PDE7A: variants seen among roughly 807,000 people sequenced by gnomAD.
The protein encoded by PDE7A is phosphodiesterase 7A, also known as high affinity 3',5'-cyclic-AMP phosphodiesterase 7A.
PDE7A carries 39 observed loss-of-function variants against 64.3 expected under a neutral mutation model. The ratio of observed to expected loss-of-function variants is 0.61; its 90% CI spans 0.47 to 0.79. PDE7A has a LOEUF of 0.79. PDE7A is among the 30% of genes least tolerant of loss of function. PDE7A has a pLI of 0.00. For missense variants in PDE7A, 470 were observed against 582.8 expected (o/e 0.81, Z 1.99); for synonymous variants, 203 against 206.8 (o/e 0.98, Z 0.16).
At chr8:65,830,213 C>G (rs1810781269) in intron 1 of PDE7A, among the ~76,000 whole-genome samples, 1 of 151,308 alleles carries the variant, frequency 6.6e-6, no homozygotes, top group Non-Finnish European at 1.5e-5. Flanking sequence ...GTTAATTACT[C>G]TAAAAACACT....
chr8:65,763,658 T>C (rs181047007), intron 3 of PDE7A, among the ~76,000 whole-genome samples: 1 of 152,324 alleles, frequency 6.6e-6, no homozygotes, highest in African/African-American at 2.4e-5. Context: ...ATCCCTCTTA[T>C]GCTGAAACTC....
chr8:65,836,778 A>G (rs181251484), intron 1 of PDE7A, among the ~76,000 whole-genome samples: 82 of 152,320 alleles, frequency 5.4e-4, no homozygotes, highest in African/African-American at 1.5e-3. Flanking sequence ...CAGTCATACT[A>G]GCCACATTTC....
chr8:65,742,870 C>T (rs571043213), intron 5 of PDE7A, among the ~76,000 whole-genome samples: 22 of 152,290 alleles, frequency 1.4e-4, no homozygotes, highest in Non-Finnish European at 2.5e-4. Context: ...TAAGGGGAAA[C>T]TAGTTAGCCA....
Position 65,779,722 on chromosome 8 carries a change from TG to T in PDE7A, c.280del (p.His94ThrfsTer19). On this transcript the variant is annotated frameshift_variant, in exon 3 of 13. Coordinates refer to ENST00000401827, the MANE Select transcript of PDE7A (RefSeq NM_001242318.3). LOFTEE classifies it high-confidence loss of function. ...SHPYIDFRIF[H>X]SQSEIEVSVS... The stretch of plus-strand genomic sequence containing the variant: ...ACTTCATGTCTACCAACACTTACAG[TG>T]GAAAATACGAAAATCAATATATGGG... 6.5e-7 allele frequency: 1 copy of T among 1,528,068 alleles called. No individual in the cohort carries two copies. The highest frequency in any genetic ancestry group is 9.0e-7 in the Non-Finnish European group (1 of 1,113,454). The allele number at this position is 1,528,068 out of a possible 1,614,324, so 94.7% of individuals were successfully genotyped here. A position where few individuals can be genotyped will look rare whatever the true frequency, so the allele number is the denominator to read the frequency against.
chr8:65,817,570 G>A (rs983438615), intron 1 of PDE7A, among the ~76,000 whole-genome samples: 5 of 152,044 alleles, frequency 3.3e-5, no homozygotes, highest in Non-Finnish European at 7.4e-5. Context: ...TAATTTCTCA[G>A]TTTTTCCTTG....
intron 1 of PDE7A, among the ~76,000 whole-genome samples, chr8:65,811,456 T>C (rs927263892): frequency 7.2e-5 from 11 of 152,330 alleles, no homozygotes; most frequent in East Asian, 1.9e-4. Flanking sequence ...AGGCCTCCCA[T>C]TGGCCAACCC....
chr8:65,723,644 T>C, intron 11 of PDE7A, 23 bp from the exon 12 acceptor site: 1 of 1,465,566 alleles, frequency 6.8e-7, no homozygotes, highest in South Asian at 1.3e-5. Flanking sequence ...AAAAGAGAAG[T>C]ATTAATATGA....
chr8:65,732,238 A>T (rs1292646537), intron 7 of PDE7A, among the ~76,000 whole-genome samples: 1 of 152,098 alleles, frequency 6.6e-6, no homozygotes, highest in African/African-American at 2.4e-5. Flanking sequence ...ACCTCAGGTG[A>T]TTCACCAGCC....
chr8:65,782,466 A>G (rs568992377), intron 2 of PDE7A, among the ~76,000 whole-genome samples: 6 of 152,312 alleles, frequency 3.9e-5, no homozygotes, highest in Admixed American at 2.6e-4. Context: ...GCTGGCATTC[A>G]TCTATTTGGT....
chr8:65,761,068 T>A (rs1446041360), intron 3 of PDE7A, among the ~76,000 whole-genome samples: 3 of 151,942 alleles, frequency 2.0e-5, no homozygotes, highest in Non-Finnish European at 2.9e-5. Context: ...TTTTTTCTTT[T>A]TTTTTTTTTT....
At chr8:65,721,169 T>C (rs1806362443) in intron 12 of PDE7A, among the ~76,000 whole-genome samples, 1 of 152,202 alleles carries the variant, frequency 6.6e-6, no homozygotes, top group Non-Finnish European at 1.5e-5. Flanking sequence ...TGTTCAACCA[T>C]TTGTGACTCC....
chr8:65,808,587 T>C (rs1049752854), intron 1 of PDE7A, among the ~76,000 whole-genome samples: 5 of 152,226 alleles, frequency 3.3e-5, no homozygotes, highest in Non-Finnish European at 7.3e-5. Flanking sequence ...AATGTTATTA[T>C]CTCTGGGTAG....
chr8:65,781,314 G>C (rs1020515951), intron 2 of PDE7A, among the ~76,000 whole-genome samples: 1 of 152,116 alleles, frequency 6.6e-6, no homozygotes, highest in Non-Finnish European at 1.5e-5. Context: ...TGGCGTGGCA[G>C]GAGCAAGGTG....
At chr8:65,816,070 T>C (rs1810393006) in intron 1 of PDE7A, among the ~76,000 whole-genome samples, 1 of 152,188 alleles carries the variant, frequency 6.6e-6, no homozygotes, top group African/African-American at 2.4e-5. Flanking sequence ...TAACACATGT[T>C]ATTTATGTTA....
chr8:65,777,031 T>C (rs1809278671), intron 3 of PDE7A, among the ~76,000 whole-genome samples: 1 of 152,062 alleles, frequency 6.6e-6, no homozygotes, highest in African/African-American at 2.4e-5. Context: ...TGTTCCTAGC[T>C]TGCTCAGAAT....
At chr8:65,771,917 G>T (rs1329917699) in intron 3 of PDE7A, among the ~76,000 whole-genome samples, 1 of 143,738 alleles carries the variant, frequency 7.0e-6, no homozygotes. Flanking sequence ...AGAAGAAGAA[G>T]AAAGAAGGAA....
chr8:65,757,938 A>G (rs1285232277), intron 3 of PDE7A, among the ~76,000 whole-genome samples: 9 of 152,156 alleles, frequency 5.9e-5, no homozygotes, highest in Non-Finnish European at 2.9e-5. Context: ...TTTTAATGTA[A>G]TATTTGATTT....
chr8:65,839,799 G>C (rs1811033616), intron 1 of PDE7A, among the ~76,000 whole-genome samples: 2 of 152,106 alleles, frequency 1.3e-5, no homozygotes, highest in Admixed American at 1.3e-4. Context: ...AAGACATCAG[G>C]AAAAACCCCT....
intron 3 of PDE7A, among the ~76,000 whole-genome samples, chr8:65,769,725 G>A (rs1439610209): frequency 2.0e-5 from 3 of 151,946 alleles, no homozygotes; most frequent in African/African-American, 2.4e-5. Flanking sequence ...GTGAAACCCC[G>A]TCTCTACTGA....
Sources: gnomAD v4.1 joint callset for allele counts (sites outside exome capture counted in the v4.1 genomes callset) on GRCh38, gnomAD v4.1.1 for gene constraint, MANE v1.5 for transcripts, NCBI Gene and HGNC (gene_info 2026-07-23, HGNC 2026-07-21) for gene names.